CSMD1: variants seen among roughly 807,000 people sequenced by gnomAD.
CSMD1 encodes CUB and sushi domain-containing protein 1.
A neutral mutation model predicts 417.5 loss-of-function variants in CSMD1; 213 were observed. That is an observed-to-expected ratio of 0.51 (90% CI 0.46 to 0.57). CSMD1 has a LOEUF of 0.57. CSMD1 is among the 20% of genes least tolerant of loss of function. The pLI is 0.00. For missense variants in CSMD1, 6,923 were observed against 4,529.7 expected (o/e 1.53, Z -15.17); for synonymous variants, 2,862 against 1,736.8 (o/e 1.65, Z -16.11).
At chr8:3,664,206 C>T (rs771092311) in intron 7 of CSMD1, among the ~76,000 whole-genome samples, 2 of 152,136 alleles carry the variant, frequency 1.3e-5, no homozygotes, top group Admixed American at 6.6e-5. Context: ...CTACAGGCCC[C>T]TGTGTGTGAT....
intron 3 of CSMD1, among the ~76,000 whole-genome samples, chr8:4,410,700 A>G (rs1796606725): frequency 6.6e-6 from 1 of 152,116 alleles, no homozygotes; most frequent in African/African-American, 2.4e-5. Flanking sequence ...TTAATAAAAA[A>G]ATCTTGGGAG....
chr8:4,061,597 C>G (rs1424103665), intron 3 of CSMD1, among the ~76,000 whole-genome samples: 1 of 152,158 alleles, frequency 6.6e-6, no homozygotes, highest in Admixed American at 6.5e-5. Context: ...TTGTCTGGTT[C>G]CAGACACTAG....
intron 10 of CSMD1, among the ~76,000 whole-genome samples, chr8:3,536,756 G>C (rs1436419460): frequency 6.6e-6 from 1 of 152,120 alleles, no homozygotes; most frequent in Non-Finnish European, 1.5e-5. Context: ...ACCCAAAAGT[G>C]TCCATTGTGT....
intron 29 of CSMD1, among the ~76,000 whole-genome samples, chr8:3,218,371 C>T (rs113747133): frequency 0.061 from 9,293 of 151,368 alleles, 403 homozygotes; most frequent in Middle Eastern, 0.093. Context: ...ATCATCCTGG[C>T]TAACACTGTG....
intron 12 of CSMD1, among the ~76,000 whole-genome samples, chr8:3,468,222 T>C (rs887736209): frequency 8.5e-5 from 13 of 152,246 alleles, no homozygotes; most frequent in African/African-American, 3.1e-4. Flanking sequence ...ATTGTTTGCA[T>C]TGCTATCAGT....
chr8:4,566,393 C>A (rs1424682311), intron 2 of CSMD1, among the ~76,000 whole-genome samples: 1 of 151,956 alleles, frequency 6.6e-6, no homozygotes. Flanking sequence ...GTGGCTCATG[C>A]CTGTAATCCC....
At chr8:3,334,612 C>G (rs7843338) in intron 23 of CSMD1, among the ~76,000 whole-genome samples, 65,545 of 152,116 alleles carry the variant, frequency 0.43, 15,090 homozygotes, top group African/African-American at 0.6. Context: ...GTTGTAATGT[C>G]TTCAGAATTA....
chr8:3,140,365 T>G (rs1490638482), intron 41 of CSMD1, among the ~76,000 whole-genome samples: 2 of 147,286 alleles, frequency 1.4e-5, no homozygotes, highest in Admixed American at 1.4e-4. Flanking sequence ...CTCTCTCTGT[T>G]TTTCTCTCTC....
intron 1 of CSMD1, among the ~76,000 whole-genome samples, chr8:4,840,926 C>A (rs905447397): frequency 6.6e-6 from 1 of 152,208 alleles, no homozygotes; most frequent in Non-Finnish European, 1.5e-5. Context: ...AAAGTGAATA[C>A]AAATATCCCT....
At chr8:3,179,559 T>G (rs1585570841) in intron 37 of CSMD1, among the ~76,000 whole-genome samples, 1 of 152,276 alleles carries the variant, frequency 6.6e-6, no homozygotes, top group Non-Finnish European at 1.5e-5. Context: ...CCCAGGTAAG[T>G]GCATATCTCA....
At chr8:3,109,552 G>T (rs563918403) in intron 43 of CSMD1, among the ~76,000 whole-genome samples, 1 of 152,058 alleles carries the variant, frequency 6.6e-6, no homozygotes, top group African/African-American at 2.4e-5. Flanking sequence ...CACAAAATGA[G>T]CCCGTCATTC....
chr8:3,981,490 T>C (rs546251305), intron 5 of CSMD1, among the ~76,000 whole-genome samples: 363 of 76,370 alleles, frequency 4.8e-3, no homozygotes, highest in African/African-American at 0.018. Context: ...CAATAACTTA[T>C]AGAAAAAAGT....
intron 3 of CSMD1, among the ~76,000 whole-genome samples, chr8:4,139,992 T>C (rs117514244): frequency 1.3e-5 from 2 of 150,554 alleles, no homozygotes; most frequent in South Asian, 2.1e-4. Context: ...GGGTTGCAGG[T>C]AGGAGGTAAA....
chr8:3,580,850 A>G (rs7841414), intron 9 of CSMD1, among the ~76,000 whole-genome samples: 38,063 of 152,052 alleles, frequency 0.25, 4,858 homozygotes, highest in Admixed American at 0.28. Context: ...GGTCATTTCT[A>G]CAAGGGCAGA....
At chr8:3,432,024 C>G (rs927125733) in intron 12 of CSMD1, among the ~76,000 whole-genome samples, 8 of 152,118 alleles carry the variant, frequency 5.3e-5, no homozygotes, top group Non-Finnish European at 2.9e-5. Context: ...ATTCCATGTT[C>G]TGCTAAATTT....
intron 3 of CSMD1, among the ~76,000 whole-genome samples, chr8:4,250,028 G>T (rs1487290228): frequency 1.3e-5 from 2 of 152,118 alleles, no homozygotes; most frequent in East Asian, 1.9e-4. Context: ...CTGTACCCAT[G>T]AATAAATTGA....
chr8:4,066,442 C>G (rs893225311), intron 3 of CSMD1, among the ~76,000 whole-genome samples: 2 of 152,176 alleles, frequency 1.3e-5, no homozygotes, highest in African/African-American at 4.8e-5. Flanking sequence ...CACATGCTAG[C>G]TACCCGATAA....
At chr8:4,173,165 C>G (rs368459797) in intron 3 of CSMD1, among the ~76,000 whole-genome samples, 2 of 152,036 alleles carry the variant, frequency 1.3e-5, no homozygotes, top group Admixed American at 6.6e-5. Flanking sequence ...ATTATAATAG[C>G]GCATAAAAAT....
intron 3 of CSMD1, among the ~76,000 whole-genome samples, chr8:4,234,428 C>G (rs181758426): frequency 6.6e-6 from 1 of 152,126 alleles, no homozygotes; most frequent in Admixed American, 6.5e-5. Flanking sequence ...TCCATGGAAA[C>G]TACCTTTGCT....
Sources: allele counts gnomAD v4.1 joint callset (sites outside exome capture counted in the v4.1 genomes callset), GRCh38; gene constraint gnomAD v4.1.1; transcripts MANE v1.5; gene names NCBI Gene and HGNC (gene_info 2026-07-23, HGNC 2026-07-21).